LTBP2: variants seen among roughly 807,000 people sequenced by gnomAD.
LTBP2 encodes latent transforming growth factor beta binding protein 2.
In LTBP2, 103 loss-of-function variants were observed where a neutral mutation model predicts 210.6. That is an observed-to-expected ratio of 0.49 (90% CI 0.42 to 0.58). The LOEUF (loss-of-function observed/expected upper bound fraction) is 0.58. LTBP2 is among the 20% of genes least tolerant of loss of function. The pLI is 0.00. For synonymous variants in LTBP2, 1,007 were observed against 1,015.0 expected (o/e 0.99, Z 0.15); for missense variants, 2,313 against 2,494.5 (o/e 0.93, Z 1.55).
intron 8 of LTBP2, among the ~76,000 whole-genome samples, chr14:74,539,758 G>C (rs986271802): frequency 6.6e-6 from 1 of 152,058 alleles, no homozygotes; most frequent in Non-Finnish European, 1.5e-5. Flanking sequence ...CTTCTTTAGT[G>C]ATCAGAAGGG....
intron 3 of LTBP2, among the ~76,000 whole-genome samples, chr14:74,579,333 G>A (rs1447842529): frequency 6.6e-6 from 1 of 152,198 alleles, no homozygotes; most frequent in Non-Finnish European, 1.5e-5. Flanking sequence ...CAGACTTAGA[G>A]AGACCACCGA....
chr14:74,564,350 TATA>T, intron 3 of LTBP2, among the ~76,000 whole-genome samples: 2 of 18,076 alleles, frequency 1.1e-4, no homozygotes, highest in East Asian at 3.0e-3. Flanking sequence ...TATATTTATA[TATA>T]TTTATATATA....
intron 2 of LTBP2, among the ~76,000 whole-genome samples, chr14:74,588,342 CT>C (rs1241011747): frequency 6.6e-6 from 1 of 152,200 alleles, no homozygotes; most frequent in African/African-American, 2.4e-5. Context: ...CTGCCTCAGC[CT>C]CCCGAGTAGC....
At chr14:74,503,068 C>A (rs1432894714) in intron 33 of LTBP2, 134 bp from the exon 34 acceptor site, 57 of 1,473,216 alleles carry the variant, frequency 3.9e-5, no homozygotes, top group Non-Finnish European at 5.1e-5. Context: ...CCCCACCTCT[C>A]CCCTGCCCTA....
chr14:74,540,564 G>A (rs1566629696), intron 8 of LTBP2, among the ~76,000 whole-genome samples: 1 of 150,778 alleles, frequency 6.6e-6, no homozygotes, highest in Non-Finnish European at 1.5e-5. Context: ...AGGAGATCGA[G>A]ACCATCCTGG....
chr14:74,587,320 C>A (rs1034731719), intron 2 of LTBP2, among the ~76,000 whole-genome samples: 2 of 152,090 alleles, frequency 1.3e-5, no homozygotes, highest in East Asian at 3.9e-4. Flanking sequence ...CTGGGGCTTG[C>A]GGTCGAGTAA....
intron 8 of LTBP2, among the ~76,000 whole-genome samples, chr14:74,547,326 G>A (rs191219170): frequency 2.4e-4 from 36 of 152,310 alleles, no homozygotes; most frequent in African/African-American, 8.7e-4. Flanking sequence ...TGCATCTCAA[G>A]AGTTCAGGAT....
intron 2 of LTBP2, among the ~76,000 whole-genome samples, chr14:74,598,097 G>A (rs939452055): frequency 6.6e-6 from 1 of 152,224 alleles, no homozygotes; most frequent in African/African-American, 2.4e-5. Context: ...ACTTGCCCAA[G>A]ATCACCATGC....
Position 74,506,028 on chromosome 14 carries a change from A to C in LTBP2, c.4177+20T>G. 1 of 1,613,804 alleles carries C rather than the reference A, an allele frequency of 6.2e-7. No individual in the cohort carries two copies. On this transcript the variant is annotated intron_variant, in intron 28 of 35. Transcript: ENST00000261978. ...GTAAACCTCTGAGTCACCATGGATAATGTGTCTCCCAGGCCTCACCTCCAG... is the reference window on the plus strand; with the variant it reads ...GTAAACCTCTGAGTCACCATGGATACTGTGTCTCCCAGGCCTCACCTCCAG...
intron 3 of LTBP2, among the ~76,000 whole-genome samples, chr14:74,564,309 A>T (rs1203410434): frequency 3.1e-3 from 44 of 13,976 alleles, no homozygotes; most frequent in South Asian, 8.4e-3. Context: ...ATATATATTT[A>T]TATATATATT....
intron 3 of LTBP2, among the ~76,000 whole-genome samples, chr14:74,565,559 A>C (rs146242317): frequency 7.8e-4 from 119 of 152,316 alleles, no homozygotes; most frequent in African/African-American, 2.7e-3. Context: ...GAGTTCCAAG[A>C]GCCAAGATCT....
chr14:74,536,072 G>C, intron 8 of LTBP2, 72 bp from the exon 9 acceptor site: 1 of 1,369,362 alleles, frequency 7.3e-7, no homozygotes, highest in Non-Finnish European at 1.0e-6. Flanking sequence ...GCTGGGAAGC[G>C]GGTGCAGTCT....
chr14:74,540,820 ATTTTT>A, intron 8 of LTBP2, among the ~76,000 whole-genome samples: 1 of 19,518 alleles, frequency 5.1e-5, no homozygotes, highest in Non-Finnish European at 9.5e-4. Context: ...ATATATATAT[ATTTTT>A]ATATAATATA....
At chr14:74,577,090 A>G (rs1244625167) in intron 3 of LTBP2, among the ~76,000 whole-genome samples, 1 of 141,136 alleles carries the variant, frequency 7.1e-6, no homozygotes, top group African/African-American at 3.2e-5. Context: ...TATTCAAAAT[A>G]GTTTTCAAGG....
At chr14:74,505,463 G>A (rs116235436) in intron 28 of LTBP2, among the ~76,000 whole-genome samples, 198 of 152,260 alleles carry the variant, frequency 1.3e-3, no homozygotes, top group African/African-American at 4.6e-3. Context: ...TGCGCTTTGC[G>A]GTATACCATG....
intron 33 of LTBP2, 87 bp from the exon 34 acceptor site, chr14:74,503,021 A>ACCT: frequency 6.4e-7 from 1 of 1,556,726 alleles, no homozygotes; most frequent in Non-Finnish European, 8.8e-7. Context: ...GCATGCAAGG[A>ACCT]CTGGTACCCT....
chr14:74,507,021 T>C lies in LTBP2; in HGVS notation c.3907+158A>G, dbSNP rs537154927. 5.9e-5 allele frequency among the ~76,000 whole-genome samples: 9 copies of C among 152,316 alleles called. No homozygotes were observed. In the East Asian group the frequency reaches 1.4e-3, roughly 23 times the overall value. On this transcript the variant is annotated intron_variant, in intron 26 of 35. Coordinates refer to ENST00000261978, the MANE Select transcript of LTBP2 (RefSeq NM_000428.3). Reference sequence around the variant, plus strand: ...GATAAGAAAATCCTAACATTCACAGTCCTGTGGCATCTTTCATAAGCTCTG... The same window carrying C: ...GATAAGAAAATCCTAACATTCACAGCCCTGTGGCATCTTTCATAAGCTCTG...
At chr14:74,509,015 G>C in intron 22 of LTBP2, 63 bp from the exon 23 acceptor site, 1 of 1,605,432 alleles carries the variant, frequency 6.2e-7, no homozygotes, top group Non-Finnish European at 8.5e-7. Context: ...CAGGAGTCAA[G>C]GGGGAAGTCT....
chr14:74,511,259 C>T lies in LTBP2; in HGVS notation c.3014G>A (p.Ser1005Asn), dbSNP rs1227123949. 1 of 1,613,980 alleles carries T rather than the reference C, an allele frequency of 6.2e-7. No individual in the cohort carries two copies. The highest frequency in any genetic ancestry group is 1.3e-5 in the African/African-American group (1 of 75,066). ...GCAGCCCTCACCTACACAGCTCCCA[C>T]TCTGGCCCCGGTAGCCCTCCTCACA... ...LACEEGYRGQ[S>N]GSCVDVNECL... Residue 1005 changes from serine (S) to asparagine (N), a missense_variant, in exon 19 of 36, where the codon AGT becomes AAT. Transcript: ENST00000261978.
Sources: gnomAD v4.1 joint callset for allele counts (sites outside exome capture counted in the v4.1 genomes callset) on GRCh38, gnomAD v4.1.1 for gene constraint, MANE v1.5 for transcripts, NCBI Gene and HGNC (gene_info 2026-07-23, HGNC 2026-07-21) for gene names.